Variants in HIPK2 observed in about 807,000 individuals in gnomAD.
HIPK2 encodes the protein homeodomain-interacting protein kinase 2.
In HIPK2, 27 loss-of-function variants were observed where a neutral mutation model predicts 113.7. The observed-to-expected ratio is 0.24, with a 90% CI of 0.17 to 0.33. HIPK2 has a LOEUF of 0.33. Ranked by LOEUF, HIPK2 falls within the 10% of genes least tolerant of loss-of-function variation. HIPK2 has a pLI of 1.00. For missense variants in HIPK2, 1,257 were observed against 1,588.0 expected, an observed-to-expected ratio of 0.79 and a Z score of 3.54; for synonymous variants, 631 against 642.2, an observed-to-expected ratio of 0.98 and a Z score of 0.26.
At chr7:139,667,998 T>C (rs978625103) in intron 2 of HIPK2, among the ~76,000 whole-genome samples, 1 of 151,704 alleles carries the variant, frequency 6.6e-6, no homozygotes, top group East Asian at 1.9e-4. Context: ...TGTGATGGCA[T>C]GCACTGTCAT....
chr7:139,696,416 T>C (rs1794569447), intron 2 of HIPK2, among the ~76,000 whole-genome samples: 1 of 151,786 alleles, frequency 6.6e-6, no homozygotes, highest in Admixed American at 6.6e-5. Flanking sequence ...CACCAATCCC[T>C]ACAAAAAATT....
intron 2 of HIPK2, among the ~76,000 whole-genome samples, chr7:139,636,528 A>G (rs1413921169): frequency 6.6e-6 from 1 of 152,106 alleles, no homozygotes; most frequent in Non-Finnish European, 1.5e-5. Flanking sequence ...CATCCATATC[A>G]GAGGGAAATC....
intron 1 of HIPK2, among the ~76,000 whole-genome samples, chr7:139,744,804 G>A (rs1398929881): frequency 7.2e-5 from 11 of 152,138 alleles, no homozygotes; most frequent in Non-Finnish European, 1.0e-4. Context: ...CGTTCTGCTC[G>A]CTTCACCACG....
At chr7:139,704,837 T>G (rs1794842965) in intron 2 of HIPK2, among the ~76,000 whole-genome samples, 1 of 152,160 alleles carries the variant, frequency 6.6e-6, no homozygotes, top group African/African-American at 2.4e-5. Flanking sequence ...ACCGTCGGAC[T>G]ACAGGACTCT....
intron 1 of HIPK2, among the ~76,000 whole-genome samples, chr7:139,774,330 T>C (rs6964028): frequency 0.1 from 15,580 of 152,228 alleles, 2,631 homozygotes; most frequent in African/African-American, 0.36. Context: ...GTCGTATCAC[T>C]AGATTCAAAC....
intron 2 of HIPK2, among the ~76,000 whole-genome samples, chr7:139,679,842 T>C (rs890115255): frequency 6.6e-6 from 1 of 152,026 alleles, no homozygotes; most frequent in Non-Finnish European, 1.5e-5. Context: ...GGCAAAAGGC[T>C]CTGCATGAAA....
intron 2 of HIPK2, among the ~76,000 whole-genome samples, chr7:139,661,827 T>C (rs1431882826): frequency 1.3e-5 from 2 of 152,228 alleles, no homozygotes; most frequent in Non-Finnish European, 1.5e-5. Context: ...CTAAATACTA[T>C]GCTTTTCTTA....
chr7:139,575,110 G>C lies in HIPK2; in HGVS notation c.3126+18C>G. On this transcript the variant is annotated intron_variant, in intron 14 of 14. Transcript: ENST00000406875. Reference sequence around the variant, plus strand: ...ATGGGGGCCCTGCCTGGCCTGGGGCGCCAGCTGTGGGGCTTACCTGGCTGA... The same window carrying C: ...ATGGGGGCCCTGCCTGGCCTGGGGCCCCAGCTGTGGGGCTTACCTGGCTGA... 1 of 1,579,662 alleles carries C rather than the reference G, an allele frequency of 6.3e-7. No homozygotes were observed. Among genetic ancestry groups the C allele is most frequent in the Non-Finnish European group, 8.6e-7 (1 of 1,163,510 alleles).
intron 2 of HIPK2, among the ~76,000 whole-genome samples, chr7:139,706,768 T>C (rs1794910598): frequency 6.6e-6 from 1 of 152,238 alleles, no homozygotes; most frequent in African/African-American, 2.4e-5. Flanking sequence ...CAGATTTGTC[T>C]ATAAAGGCAT....
intron 1 of HIPK2, among the ~76,000 whole-genome samples, chr7:139,771,179 C>T (rs951818585): frequency 6.6e-6 from 1 of 152,082 alleles, no homozygotes; most frequent in African/African-American, 2.4e-5. Flanking sequence ...GAATCTATAA[C>T]GAATTTGACA....
chr7:139,642,120 C>A (rs534786668), intron 2 of HIPK2, among the ~76,000 whole-genome samples: 12 of 152,272 alleles, frequency 7.9e-5, no homozygotes, highest in African/African-American at 2.6e-4. Context: ...AGAAAAAGTC[C>A]GTTCCCACAA....
intron 12 of HIPK2, among the ~76,000 whole-genome samples, chr7:139,594,616 T>C (rs572035281): frequency 6.6e-6 from 1 of 152,354 alleles, no homozygotes; most frequent in South Asian, 2.1e-4. Context: ...TCTAAGGCAC[T>C]TGCCATTAGA....
intron 2 of HIPK2, among the ~76,000 whole-genome samples, chr7:139,658,134 C>T (rs969314757): frequency 2.6e-5 from 4 of 152,238 alleles, no homozygotes; most frequent in South Asian, 2.1e-4. Flanking sequence ...GGTGAAACCC[C>T]GTCTCTACTA....
chr7:139,676,970 T>C (rs1402645643), intron 2 of HIPK2, among the ~76,000 whole-genome samples: 1 of 151,908 alleles, frequency 6.6e-6, no homozygotes, highest in Non-Finnish European at 1.5e-5. Context: ...CAAGTGATTC[T>C]ACTGCTTCAG....
chr7:139,754,132 C>G (rs1483712878), intron 1 of HIPK2, among the ~76,000 whole-genome samples: 1 of 152,174 alleles, frequency 6.6e-6, no homozygotes. Flanking sequence ...AAGAGACACC[C>G]TTTGGAAGTG....
chr7:139,645,561 A>G (rs1801182007), intron 2 of HIPK2, among the ~76,000 whole-genome samples: 2 of 152,136 alleles, frequency 1.3e-5, no homozygotes, highest in African/African-American at 4.8e-5. Context: ...TACCCTACCT[A>G]AGCAACTTTC....
At chr7:139,756,141 T>C (rs1428779828) in intron 1 of HIPK2, among the ~76,000 whole-genome samples, 3 of 152,148 alleles carry the variant, frequency 2.0e-5, no homozygotes, top group African/African-American at 7.2e-5. Context: ...AATAATAATC[T>C]TAACAGTCAC....
rs1452229620 is a variant in HIPK2 at position 139,705,382 on chromosome 7, CT to C, written c.1103+10549del. The stretch of plus-strand genomic sequence containing the variant: ...ACTACCAACTGCTAGTAGTTTCCCC[CT>C]TTTTTTTTTTTGAGACGGAGTCTCG... On this transcript the variant is annotated intron_variant, in intron 2 of 14. Transcript: ENST00000406875. Among the ~76,000 whole-genome samples the C allele has an allele frequency of 9.7e-3, 1,417 of 146,584 alleles. 5 individuals carry two copies. The highest frequency in any genetic ancestry group is 0.013 in the Non-Finnish European group (834 of 66,048).
chr7:139,652,036 A>G (rs1801480057), intron 2 of HIPK2, among the ~76,000 whole-genome samples: 1 of 152,166 alleles, frequency 6.6e-6, no homozygotes, highest in Non-Finnish European at 1.5e-5. Flanking sequence ...CTCCTACAAG[A>G]TACAATAATA....
Sources: gnomAD v4.1 joint callset for allele counts (sites outside exome capture counted in the v4.1 genomes callset) on GRCh38, gnomAD v4.1.1 for gene constraint, MANE v1.5 for transcripts, NCBI Gene and HGNC (gene_info 2026-07-23, HGNC 2026-07-21) for gene names.